Variants in ITGA4 observed in about 807,000 individuals in gnomAD.
ITGA4 encodes the protein integrin alpha-4.
Under a neutral mutation model 133.6 loss-of-function variants are expected in ITGA4, and 63 were observed. The ratio of observed to expected loss-of-function variants is 0.47; its 90% CI spans 0.38 to 0.58. ITGA4 has a LOEUF of 0.58. ITGA4 is among the 20% of genes least tolerant of loss of function. The pLI is 0.00. For synonymous variants in ITGA4, 483 were observed against 438.0 expected (o/e 1.10, Z -1.28); for missense variants, 1,076 against 1,252.7 (o/e 0.86, Z 2.13).
chr2:181,495,363 T>A lies in ITGA4; in HGVS notation c.1340-8T>A, dbSNP rs181661156. 525 of 1,606,254 alleles carry A rather than the reference T, an allele frequency of 3.3e-4. 1 individual carries two copies. In the African/African-American group the frequency reaches 5.6e-3, roughly 17 times the overall value. ...GATCATTAATCTGTGTTGTTTTTTA[T>A]CCTCCAGATGTAGCAGTTGGTGCTT... is the stretch of plus-strand genomic sequence containing the variant. On this transcript the variant is annotated splice_polypyrimidine_tract_variant and splice_region_variant and intron_variant, in intron 12 of 27. Transcript: ENST00000397033. This position sits in a 1 kb window ranked among gnomAD's most constrained non-coding sequence, Gnocchi z 4.3.
In ITGA4 at chr2:181,509,752, C is replaced by T; in HGVS notation, c.1790C>T (p.Pro597Leu). ...VISKRSTEEF[P>L]PLQPILQQKK... ...AGTAAACGAAGTACAGAGGAATTCC[C>T]ACCACTTCAGCCAATTCTTCAGCAG... The change falls in exon 16 of 28, where the codon CCA (proline) becomes CTA (leucine). Residue 597 changes from proline to leucine, a missense_variant. Transcript: ENST00000397033. 6.2e-7 allele frequency: 1 copy of T among 1,611,204 alleles called. No individual in the cohort carries two copies. The highest frequency in any genetic ancestry group is 8.5e-7 in the Non-Finnish European group (1 of 1,178,362).
chr2:181,476,788 T>TA (rs1259688586), intron 4 of ITGA4, among the ~76,000 whole-genome samples: 2 of 152,138 alleles, frequency 1.3e-5, no homozygotes, highest in Non-Finnish European at 2.9e-5. Flanking sequence ...TACACAGGCA[T>TA]AAAAAATAAC....
intron 20 of ITGA4, 44 bp from the exon 21 acceptor site, chr2:181,525,158 T>C: frequency 1.8e-6 from 2 of 1,123,348 alleles, no homozygotes; most frequent in Non-Finnish European, 2.7e-6. Flanking sequence ...TCTGAAGATT[T>C]TTCTGCTTGG....
chr2:181,529,391 G>A, intron 22 of ITGA4, 150 bp from the exon 23 acceptor site: 1 of 434,106 alleles, frequency 2.3e-6, no homozygotes, highest in Non-Finnish European at 4.1e-6. Context: ...TGGATATCCT[G>A]TCTCCCTTTG....
At chr2:181,492,084 A>G (rs371596753) in intron 10 of ITGA4, among the ~76,000 whole-genome samples, 2 of 152,342 alleles carry the variant, frequency 1.3e-5, no homozygotes, top group South Asian at 2.1e-4. Flanking sequence ...CCACTAGACA[A>G]TGAGTTTCCT....
rs1686094086 is a variant in ITGA4 at position 181,493,297 on chromosome 2, T to C, written c.1154-28T>C. 2.0e-6 allele frequency: 3 copies of C among 1,491,468 alleles called. No individual in the cohort carries two copies. In the Admixed American group the frequency reaches 5.4e-5, roughly 27 times the overall value. 92.4% of individuals were successfully genotyped at this position (1,491,468 alleles called of 1,614,324 possible). On this transcript the variant is annotated intron_variant, in intron 10 of 27. Coordinates refer to ENST00000397033, the MANE Select transcript of ITGA4 (RefSeq NM_000885.6). The stretch of plus-strand genomic sequence containing the variant: ...TTGCATTCTTTGTATCAAGAATTTA[T>C]TTTTCCATTGTTTAAATTATTGGAT...
In ITGA4 at chr2:181,495,807, C is replaced by T. The variant is rs183217259; in HGVS notation, c.1410C>T (p.Asp470=). The T allele has an allele frequency of 3.2e-5, 51 of 1,613,646 alleles. 1 individual carries two copies. The highest frequency in any genetic ancestry group is 2.1e-4 in the South Asian group (19 of 91,048). ...LLRTRPVVIV[D]ASLSHPESVN... Reference sequence around the variant, plus strand: ...GGACAAGACCTGTAGTAATTGTTGACGCTTCTTTAAGCCACCCTGAGTCAG... The same window carrying T: ...GGACAAGACCTGTAGTAATTGTTGATGCTTCTTTAAGCCACCCTGAGTCAG... The change falls in exon 14 of 28, where the codon GAC becomes GAT. Residue 470 remains aspartate, a synonymous_variant. Transcript: ENST00000397033. This position sits in a 1 kb window ranked among gnomAD's most constrained non-coding sequence, Gnocchi z 4.3.
intron 15 of ITGA4, among the ~76,000 whole-genome samples, chr2:181,504,627 A>G (rs1686354571): frequency 6.6e-6 from 1 of 152,078 alleles, no homozygotes; most frequent in Non-Finnish European, 1.5e-5. Flanking sequence ...ATTGATTATT[A>G]TAACATGTGA....
At chr2:181,503,255 C>T (rs190484751) in intron 15 of ITGA4, among the ~76,000 whole-genome samples, 2 of 152,130 alleles carry the variant, frequency 1.3e-5, no homozygotes, top group South Asian at 2.1e-4. Flanking sequence ...GCGGGGAATT[C>T]GGCTGTCAAA....
chr2:181,518,313 A>T (rs1686651292), intron 17 of ITGA4, among the ~76,000 whole-genome samples: 4 of 152,100 alleles, frequency 2.6e-5, no homozygotes, highest in Admixed American at 1.3e-4. Flanking sequence ...CAAATCAGGG[A>T]TCCCAATGTA....
At chr2:181,527,645 T>C (rs567158959) in intron 22 of ITGA4, among the ~76,000 whole-genome samples, 1 of 152,306 alleles carries the variant, frequency 6.6e-6, no homozygotes, top group East Asian at 1.9e-4. Flanking sequence ...AGATAATGCC[T>C]GAAACAGGCA....
intron 17 of ITGA4, among the ~76,000 whole-genome samples, chr2:181,515,043 A>C (rs1394960301): frequency 2.0e-5 from 3 of 152,088 alleles, no homozygotes; most frequent in African/African-American, 7.2e-5. Context: ...CTTGAAAGAA[A>C]TGCAGATTCC....
At chr2:181,459,411 T>A (rs1025697085) in intron 2 of ITGA4, 1 of 152,058 alleles carries the variant, frequency 6.6e-6, no homozygotes, top group African/African-American at 2.4e-5. Flanking sequence ...AAATGGACTT[T>A]TGAGATTAGT....
intron 10 of ITGA4, 145 bp from the exon 11 acceptor site, chr2:181,493,180 T>C: frequency 1.7e-6 from 1 of 593,860 alleles, no homozygotes; most frequent in East Asian, 2.9e-5. Flanking sequence ...GATAGTATTT[T>C]ATTTTTTTCT....
chr2:181,490,637 C>T (rs1686032950), intron 10 of ITGA4, among the ~76,000 whole-genome samples: 1 of 151,954 alleles, frequency 6.6e-6, no homozygotes, highest in Non-Finnish European at 1.5e-5. Context: ...ATGGGAATAG[C>T]ACAGGATCTG....
Position 181,529,525 on chromosome 2 carries a change from T to C in ITGA4, c.2431-16T>C, listed in dbSNP as rs780411857. The C allele has an allele frequency of 6.8e-6, 9 of 1,323,064 alleles. No individual in the cohort carries two copies. The highest frequency in any genetic ancestry group is 9.7e-6 in the Non-Finnish European group (9 of 924,164). The allele number at this position is 1,323,064 out of a possible 1,614,324, so 82.0% of individuals were successfully genotyped here. On this transcript the variant is annotated splice_polypyrimidine_tract_variant and intron_variant, in intron 22 of 27. Transcript: ENST00000397033. ...GAAAACATTTAATTTGTTAAAAAAT[T>C]TTTCCTTCTTATCAGGTTATCAACA... is the stretch of plus-strand genomic sequence containing the variant.
rs1687306629 is a variant in ITGA4 at position 181,538,378 on chromosome 2, G to C, written c.*2851G>C. ...GCATTCCCAACAGAGCTGTAATCTA[G>C]AAAACTGAGAAGGTCTGATTGATAA... On this transcript the variant is annotated 3_prime_UTR_variant, in exon 28 of 28. Transcript: ENST00000397033. 4 of 618,098 alleles carry C rather than the reference G, an allele frequency of 6.5e-6. No individual in the cohort carries two copies. The highest frequency in any genetic ancestry group is 8.8e-6 in the Non-Finnish European group (3 of 340,494). 38.3% of individuals were successfully genotyped at this position (618,098 alleles called of 1,614,324 possible). A position where few individuals can be genotyped will look rare whatever the true frequency, so the allele number is the denominator to read the frequency against.
intron 17 of ITGA4, among the ~76,000 whole-genome samples, chr2:181,519,668 A>G (rs901289432): frequency 6.6e-6 from 1 of 152,104 alleles, no homozygotes; most frequent in Non-Finnish European, 1.5e-5. Context: ...TTCATAGGTC[A>G]TTTCAGTAGG....
At chr2:181,508,952 G>A (rs1382386855) in intron 15 of ITGA4, among the ~76,000 whole-genome samples, 2 of 151,424 alleles carry the variant, frequency 1.3e-5, no homozygotes, top group Non-Finnish European at 2.9e-5. Flanking sequence ...AGACTAGTCT[G>A]GGAAACATTG....
Sources: allele counts gnomAD v4.1 joint callset (sites outside exome capture counted in the v4.1 genomes callset), GRCh38; gene constraint gnomAD v4.1.1; non-coding constraint Gnocchi (gnomAD v3.1); transcripts MANE v1.5; gene names NCBI Gene and HGNC (gene_info 2026-07-23, HGNC 2026-07-21).